The following ACOX2 variants were observed in gnomAD, a reference collection of about 807,000 sequenced individuals.
ACOX2 encodes the protein peroxisomal acyl-coenzyme A oxidase 2.
Under a neutral mutation model 77.5 loss-of-function variants are expected in ACOX2, and 59 were observed. The observed-to-expected ratio is 0.76, with a 90% CI of 0.62 to 0.95. ACOX2 has a LOEUF of 0.95. ACOX2 is among the 40% of genes least tolerant of loss of function. The pLI is 0.00. For synonymous variants in ACOX2, 317 were observed against 340.1 expected, an observed-to-expected ratio of 0.93 and a Z score of 0.75; for missense variants, 837 against 880.4, an observed-to-expected ratio of 0.95 and a Z score of 0.62.
Position 58,530,649 on chromosome 3 carries a change from C to A in ACOX2, c.820-11G>T, listed in dbSNP as rs772159595. Reference sequence around the variant, plus strand: ...GCCATCTGGCAAGACCTGTGTGGAACAAGGACGGGCACAAGTTCTGGGCCA... The same window carrying A: ...GCCATCTGGCAAGACCTGTGTGGAAAAAGGACGGGCACAAGTTCTGGGCCA... On this transcript the variant is annotated splice_polypyrimidine_tract_variant and intron_variant, in intron 7 of 14. Coordinates refer to ENST00000302819, the MANE Select transcript of ACOX2 (RefSeq NM_003500.4). 6 of 1,611,900 alleles carry A rather than the reference C, an allele frequency of 3.7e-6. No homozygotes were observed. Among genetic ancestry groups the A allele is most frequent in the Admixed American group, 3.3e-5 (2 of 59,874 alleles).
In ACOX2 at chr3:58,531,724, G is replaced by A; in HGVS notation, c.672C>T (p.Ile224=). 6.2e-7 allele frequency: 1 copy of A among 1,614,206 alleles called. No homozygotes were observed. Among genetic ancestry groups the A allele is most frequent in the South Asian group, 1.1e-5 (1 of 91,082 alleles). ...GTGGGGTGTGGTCCTGAAGACTCCG[G>A]ATTGGCACAATAAAAGCGTGCATGC... ...RRGMHAFIVP[I]RSLQDHTPLP... Residue 224 remains isoleucine (I), a synonymous_variant, in exon 6 of 15, where the codon ATC becomes ATT. Coordinates refer to ENST00000302819, the MANE Select transcript of ACOX2 (RefSeq NM_003500.4). The surrounding 1 kb of genome is among the most constrained non-coding windows in gnomAD (Gnocchi z 5.8).
chr3:58,522,310 G>A lies in ACOX2; in HGVS notation c.1632+186C>T, dbSNP rs555470833. Among the ~76,000 whole-genome samples, 7 of 152,342 alleles carry A rather than the reference G, an allele frequency of 4.6e-5. No homozygotes were observed. In the South Asian group the frequency reaches 1.5e-3, roughly 32 times the overall value. On this transcript the variant is annotated intron_variant, in intron 12 of 14. Transcript: ENST00000302819. This position sits in a 1 kb window ranked among gnomAD's most constrained non-coding sequence, Gnocchi z 4.3. Reference sequence around the variant, plus strand: ...TTACCTTTTCCCCTAAGAGCTGCCAGCAAGATTGCTTTGGAGTTAAGTCCT... The same window carrying A: ...TTACCTTTTCCCCTAAGAGCTGCCAACAAGATTGCTTTGGAGTTAAGTCCT...
chr3:58,528,685 G>T lies in ACOX2; in HGVS notation c.1155+109C>A. 1.5e-6 allele frequency: 2 copies of T among 1,342,778 alleles called. No individual in the cohort carries two copies. Among genetic ancestry groups the T allele is most frequent in the South Asian group, 1.8e-5 (1 of 55,102 alleles). The allele number at this position is 1,342,778 out of a possible 1,614,324, so 83.2% of individuals were successfully genotyped here. A position where few individuals can be genotyped will look rare whatever the true frequency, so the allele number is the denominator to read the frequency against. The stretch of plus-strand genomic sequence containing the variant: ...TGGGATGCTGAAAGCTGGGAGAGGT[G>T]GGGGTGGGGAGTGCCCATGGGGATG... On this transcript the variant is annotated intron_variant, in intron 9 of 14. Coordinates refer to ENST00000302819, the MANE Select transcript of ACOX2 (RefSeq NM_003500.4). The surrounding 1 kb of genome is among the most constrained non-coding windows in gnomAD (Gnocchi z 5.6).
chr3:58,533,817 G>T lies in ACOX2; in HGVS notation c.475+177C>A. Reference sequence around the variant, plus strand: ...CCCACTGGGAGCTCATACAATACGTGCAAATTAGAAGGTGGCACCCCTTCC... The same window carrying T: ...CCCACTGGGAGCTCATACAATACGTTCAAATTAGAAGGTGGCACCCCTTCC... On this transcript the variant is annotated intron_variant, in intron 4 of 14. Coordinates refer to ENST00000302819, the MANE Select transcript of ACOX2 (RefSeq NM_003500.4). The surrounding 1 kb of genome is among the most constrained non-coding windows in gnomAD (Gnocchi z 5.6). The T allele has an allele frequency of 2.4e-6, 2 of 824,026 alleles. No individual in the cohort carries two copies. Among genetic ancestry groups the T allele is most frequent in the Non-Finnish European group, 3.7e-6 (2 of 536,748 alleles). The allele number at this position is 824,026 out of a possible 1,614,324, so 51.0% of individuals were successfully genotyped here.
intron 8 of ACOX2, among the ~76,000 whole-genome samples, chr3:58,529,839 G>T (rs4681690): frequency 0.72 from 108,931 of 152,120 alleles, 41,584 homozygotes; most frequent in South Asian, 0.85. Flanking sequence ...GAAGCTGAGG[G>T]ATGAAGTGAA....
chr3:58,511,063 G>A, intron 13 of ACOX2: 2 of 456,512 alleles, frequency 4.4e-6, no homozygotes, highest in Non-Finnish European at 4.4e-6. Context: ...CACTAATGAA[G>A]TGGAAGCAGT....
Position 58,534,513 on chromosome 3 carries a change from A to C in ACOX2, c.170T>G (p.Ile57Ser), listed in dbSNP as rs1343768675. Residue 57 changes from isoleucine (I) to serine (S), a missense_variant, in exon 3 of 15, where the codon ATC (isoleucine) becomes AGC (serine). Ile to Ser is a moderately radical substitution (Grantham distance 142, BLOSUM62 -2). Coordinates refer to ENST00000302819, the MANE Select transcript of ACOX2 (RefSeq NM_003500.4). This position sits in a 1 kb window ranked among gnomAD's most constrained non-coding sequence, Gnocchi z 4.8. ...TALRRKVESIIHSYPEFSCKD... is the reference protein window; with the variant it reads ...TALRRKVESISHSYPEFSCKD... ...ACAGCTAAACTCCGGGTAACTGTGG[A>C]TGATGCTCTCTGCAGAGGACAGAGA... 6.2e-7 allele frequency: 1 copy of C among 1,614,218 alleles called. No homozygotes were observed. Among genetic ancestry groups the C allele is most frequent in the South Asian group, 1.1e-5 (1 of 91,084 alleles).
Position 58,534,054 on chromosome 3 carries a change from C to A in ACOX2, c.415G>T (p.Asp139Tyr). 6.2e-7 allele frequency: 1 copy of A among 1,614,136 alleles called. No homozygotes were observed. The highest frequency in any genetic ancestry group is 8.5e-7 in the Non-Finnish European group (1 of 1,180,042). The change falls in exon 4 of 15, where the codon GAC (aspartate) becomes TAC (tyrosine). Residue 139 changes from aspartate (D) to tyrosine (Y), a missense_variant. Transcript: ENST00000302819. The surrounding 1 kb of genome is among the most constrained non-coding windows in gnomAD (Gnocchi z 4.8). The part of the protein sequence containing the change: ...LGSEEQIAKW[D>Y]PLCKNIQIIA... ...ATCTGGATGTTTTTGCAGAGTGGGT[C>A]CCATTTGGCAATCTGCTCCTCTGAG...
intron 12 of ACOX2, among the ~76,000 whole-genome samples, chr3:58,520,736 T>C (rs2063352702): frequency 6.6e-6 from 1 of 152,176 alleles, no homozygotes; most frequent in South Asian, 2.1e-4. Context: ...ATTATGACCT[T>C]GGAGACTCAG....
At position 58,534,456 on chromosome 3, in the gene ACOX2, C is replaced by T. The variant is rs375089953; in HGVS notation, c.227G>A (p.Arg76His). The change falls in exon 3 of 15, where the codon CGT becomes CAT. Residue 76 changes from arginine (R) to histidine (H), a missense_variant. Transcript: ENST00000302819. The surrounding 1 kb of genome is among the most constrained non-coding windows in gnomAD (Gnocchi z 4.8). Reference sequence around the variant, plus strand: ...TGCCCTCCGCATGGCAGCCTTATAACGCTCATTCTGGGTCATGAAATAATT... The same window carrying T: ...TGCCCTCCGCATGGCAGCCTTATAATGCTCATTCTGGGTCATGAAATAATT... Reference protein sequence around the residue: ...KDNYFMTQNERYKAAMRRAFH... With the variant: ...KDNYFMTQNEHYKAAMRRAFH... The T allele has an allele frequency of 1.2e-5, 20 of 1,614,054 alleles. No individual in the cohort carries two copies. The highest frequency in any genetic ancestry group is 5.3e-5 in the African/African-American group (4 of 74,926).
intron 1 of ACOX2, among the ~76,000 whole-genome samples, chr3:58,536,077 G>A (rs1036990110): frequency 5.3e-5 from 8 of 151,972 alleles, no homozygotes; most frequent in African/African-American, 1.7e-4. Flanking sequence ...GTGGAATGGA[G>A]TCCTTGCTGT....
chr3:58,510,977 A>G (rs1188370062), intron 13 of ACOX2: 2 of 456,248 alleles, frequency 4.4e-6, no homozygotes, highest in African/African-American at 4.0e-5. Context: ...GTTATTTCTT[A>G]CCATCTCTTT....
Position 58,514,906 on chromosome 3 carries a change from T to C in ACOX2, c.1850+2300A>G, listed in dbSNP as rs888565829. Among the ~76,000 whole-genome samples the C allele has an allele frequency of 5.3e-5, 8 of 152,370 alleles. No individual in the cohort carries two copies. Among genetic ancestry groups the C allele is most frequent in the Middle Eastern group, 6.8e-3 (2 of 294 alleles). On this transcript the variant is annotated intron_variant, in intron 13 of 14. Transcript: ENST00000302819. The surrounding 1 kb of genome is among the most constrained non-coding windows in gnomAD (Gnocchi z 4.3). ...CCCTTGGGCTTGAACTGTGCAGTAC[T>C]TAATTATGCTCTTAATAGTTTTCAC... is the stretch of plus-strand genomic sequence containing the variant.
At chr3:58,507,746 T>A (rs151057950) in intron 14 of ACOX2, among the ~76,000 whole-genome samples, 16 of 152,222 alleles carry the variant, frequency 1.1e-4, no homozygotes, top group African/African-American at 3.6e-4. Flanking sequence ...GAACATATAT[T>A]GTTTATATTT....
Position 58,523,164 on chromosome 3 carries a change from C to T in ACOX2, c.1527-563G>A, listed in dbSNP as rs2063371708. On this transcript the variant is annotated intron_variant, in intron 11 of 14. Transcript: ENST00000302819. The surrounding 1 kb of genome is among the most constrained non-coding windows in gnomAD (Gnocchi z 5.3). ...CTTTAATCCCCTCTTATTTTCTATT[C>T]CCTGCCCATCCATCCATGACCCTTA... Among the ~76,000 whole-genome samples, 2 of 152,214 alleles carry T rather than the reference C, an allele frequency of 1.3e-5. No homozygotes were observed. Among genetic ancestry groups the T allele is most frequent in the South Asian group, 2.1e-4 (1 of 4,832 alleles).
intron 14 of ACOX2, among the ~76,000 whole-genome samples, chr3:58,507,025 T>C (rs1160054753): frequency 6.6e-6 from 1 of 152,208 alleles, no homozygotes; most frequent in African/African-American, 2.4e-5. Flanking sequence ...CAGCCTCATG[T>C]CATTTTAACT....
At position 58,524,683 on chromosome 3, in the gene ACOX2, G is replaced by A; in HGVS notation, c.1347-78C>T. ...CCAGCACCCCTCACTCCCAGAGACA[G>A]GCAAGCTCATGCTAGGTTCCAGCCT... On this transcript the variant is annotated intron_variant, in intron 10 of 14. Coordinates refer to ENST00000302819, the MANE Select transcript of ACOX2 (RefSeq NM_003500.4). The surrounding 1 kb of genome is among the most constrained non-coding windows in gnomAD (Gnocchi z 5.5). The A allele has an allele frequency of 6.9e-7, 1 of 1,458,796 alleles. No homozygotes were observed. The highest frequency in any genetic ancestry group is 1.3e-5 in the South Asian group (1 of 79,638). 90.4% of individuals were successfully genotyped at this position (1,458,796 alleles called of 1,614,324 possible). A position where few individuals can be genotyped will look rare whatever the true frequency, so the allele number is the denominator to read the frequency against.
rs754077211 is a variant in ACOX2 at position 58,535,082 on chromosome 3, A to G, written c.25T>C (p.Ser9Pro). 1 of 1,614,120 alleles carries G rather than the reference A, an allele frequency of 6.2e-7. No homozygotes were observed. The highest frequency in any genetic ancestry group is 1.1e-5 in the South Asian group (1 of 91,080). Reference protein sequence around the residue: MGSPVHRVSLGDTWSRQMH... With the variant: MGSPVHRVPLGDTWSRQMH... Reference sequence around the variant, plus strand: ...TGCCTGCTCCAGGTATCCCCCAATGACACTCGGTGCACTGGGCTGCCCATC... The same window carrying G: ...TGCCTGCTCCAGGTATCCCCCAATGGCACTCGGTGCACTGGGCTGCCCATC... Residue 9 changes from serine (S) to proline (P), a missense_variant, in exon 2 of 15, where the codon TCA (serine) becomes CCA (proline). Coordinates refer to ENST00000302819, the MANE Select transcript of ACOX2 (RefSeq NM_003500.4). The surrounding 1 kb of genome is among the most constrained non-coding windows in gnomAD (Gnocchi z 4.8).
At chr3:58,530,128 G>A (rs2063426098) in intron 8 of ACOX2, among the ~76,000 whole-genome samples, 1 of 152,264 alleles carries the variant, frequency 6.6e-6, no homozygotes, top group Admixed American at 6.5e-5. Context: ...ACCCGTCACA[G>A]CCGCACAGAA....
Sources: gnomAD v4.1 joint callset for allele counts (sites outside exome capture counted in the v4.1 genomes callset) on GRCh38, gnomAD v4.1.1 for gene constraint, Gnocchi (gnomAD v3.1) non-coding constraint, MANE v1.5 for transcripts, NCBI Gene and HGNC (gene_info 2026-07-23, HGNC 2026-07-21) for gene names.